AVL9: variants seen among roughly 807,000 people sequenced by gnomAD.
AVL9 encodes late secretory pathway protein AVL9 homolog.
In AVL9, 49 loss-of-function variants were observed where a neutral mutation model predicts 79.2. The observed-to-expected ratio is 0.62, with a 90% CI of 0.49 to 0.79. AVL9 has a LOEUF of 0.79. Ranked by LOEUF, AVL9 falls within the 30% of genes least tolerant of loss-of-function variation. The probability of loss-of-function intolerance (pLI) is 0.00; values close to 1 mark genes in which losing one functional copy is unlikely to be tolerated. For synonymous variants in AVL9, 299 were observed against 280.6 expected (o/e 1.07, Z -0.65); for missense variants, 682 against 776.8 (o/e 0.88, Z 1.45).
chr7:32,517,054 T>G (rs766456266), intron 1 of AVL9, among the ~76,000 whole-genome samples: 1 of 152,186 alleles, frequency 6.6e-6, no homozygotes, highest in Non-Finnish European at 1.5e-5. Flanking sequence ...TTCAACCATT[T>G]CGTTTTTGTT....
At chr7:32,569,521 T>C (rs558336936) in intron 10 of AVL9, among the ~76,000 whole-genome samples, 3 of 152,254 alleles carry the variant, frequency 2.0e-5, no homozygotes, top group Non-Finnish European at 2.9e-5. Flanking sequence ...AACAAATATC[T>C]TGAAATCTTT....
intron 1 of AVL9, among the ~76,000 whole-genome samples, chr7:32,528,709 G>A (rs935171268): frequency 2.0e-5 from 3 of 152,140 alleles, no homozygotes; most frequent in Non-Finnish European, 4.4e-5. Flanking sequence ...AATAGCTGCC[G>A]TTTATTAAAT....
At chr7:32,580,126 C>T in intron 13 of AVL9, 93 bp from the exon 14 acceptor site, 14 of 994,548 alleles carry the variant, frequency 1.4e-5, no homozygotes, top group Non-Finnish European at 2.0e-5. Flanking sequence ...GCTGTGTTGT[C>T]CATGAGAAGT....
At chr7:32,535,351 T>C (rs981713397) in intron 1 of AVL9, 9 of 152,224 alleles carry the variant, frequency 5.9e-5, no homozygotes, top group African/African-American at 2.2e-4. Context: ...CAATCTAAGT[T>C]ATCTGACCTG....
chr7:32,501,860 A>C (rs1191961304), intron 1 of AVL9, among the ~76,000 whole-genome samples: 2 of 152,130 alleles, frequency 1.3e-5, no homozygotes, highest in African/African-American at 4.8e-5. Context: ...GAAGGGCCCT[A>C]ATCTACTAGG....
At chr7:32,542,261 C>T (rs1204201967) in intron 1 of AVL9, among the ~76,000 whole-genome samples, 1 of 150,266 alleles carries the variant, frequency 6.7e-6, no homozygotes, top group Non-Finnish European at 1.5e-5. Context: ...ACGAATTGGC[C>T]GGGCACAGTG....
chr7:32,507,585 T>C (rs1787464118), intron 1 of AVL9, among the ~76,000 whole-genome samples: 1 of 152,228 alleles, frequency 6.6e-6, no homozygotes, highest in Non-Finnish European at 1.5e-5. Flanking sequence ...TCCTGTGGTT[T>C]CATTTCTTCT....
chr7:32,559,328 A>C lies in AVL9; in HGVS notation c.1079A>C (p.Lys360Thr). ...TCAGACCAGACAAATTTGTTTCCAAAGGACTCTGTCCCCTCAGAGAGTCTT... is the reference window on the plus strand; with the variant it reads ...TCAGACCAGACAAATTTGTTTCCAACGGACTCTGTCCCCTCAGAGAGTCTT... ...LGSDQTNLFP[K>T]DSVPSESLPI... is the part of the protein sequence containing the mutation. Residue 360 changes from lysine (K) to threonine (T), a missense_variant, in exon 10 of 16, where the codon AAG (lysine) becomes ACG (threonine). By Grantham distance (78) the Lys-to-Thr change is moderately conservative. Coordinates refer to ENST00000318709, the MANE Select transcript of AVL9 (RefSeq NM_015060.3). The C allele has an allele frequency of 6.2e-7, 1 of 1,614,212 alleles. No individual in the cohort carries two copies. Among genetic ancestry groups the C allele is most frequent in the South Asian group, 1.1e-5 (1 of 91,088 alleles).
intron 1 of AVL9, among the ~76,000 whole-genome samples, chr7:32,519,447 G>T (rs576727086): frequency 6.7e-6 from 1 of 149,030 alleles, no homozygotes; most frequent in South Asian, 2.1e-4. Context: ...AAAAAGAAAA[G>T]AAATGGAAGG....
chr7:32,580,811 G>A lies in AVL9; in HGVS notation c.1752G>A (p.Gln584=), dbSNP rs769535173. The change falls in exon 15 of 16, where the codon CAG becomes CAA. Residue 584 remains glutamine (Q), a synonymous_variant. Transcript: ENST00000318709. ...DMKLRFSHSV[Q]NSERGKKIGN... is the part of the protein sequence containing the mutation. The stretch of plus-strand genomic sequence containing the variant: ...CTTATCTTTTACCCAGTTCTGTTCA[G>A]AATAGTGAACGTGGCAAAAAAATTG... The A allele has an allele frequency of 1.2e-6, 2 of 1,613,156 alleles. No homozygotes were observed. Among genetic ancestry groups the A allele is most frequent in the East Asian group, 2.2e-5 (1 of 44,870 alleles).
chr7:32,507,315 A>C (rs1241077296), intron 1 of AVL9, among the ~76,000 whole-genome samples: 11 of 152,222 alleles, frequency 7.2e-5, no homozygotes, highest in Non-Finnish European at 1.5e-5. Flanking sequence ...CAATATATAG[A>C]TCACACTGAT....
At chr7:32,576,144 T>C in intron 13 of AVL9, 72 bp downstream of exon 13, 1 of 1,022,898 alleles carries the variant, frequency 9.8e-7, no homozygotes, top group Non-Finnish European at 1.5e-6. Flanking sequence ...GAGAAAAATC[T>C]ATTTTAACTT....
At chr7:32,505,918 G>C (rs1282411404) in intron 1 of AVL9, among the ~76,000 whole-genome samples, 2 of 152,080 alleles carry the variant, frequency 1.3e-5, no homozygotes, top group Non-Finnish European at 2.9e-5. Flanking sequence ...TTTCTATTAA[G>C]TAGAGTCATT....
rs553941540 is a variant in AVL9, at chr7:32,584,496, G to A, written c.*589G>A. ...CTGAGGATTGGGTGTTTTGTTTTAC[G>A]TTTTTAGTTTGTTCTTTCCACATCC... On this transcript the variant is annotated 3_prime_UTR_variant, in exon 16 of 16. Transcript: ENST00000318709. The A allele has an allele frequency of 2.2e-4, 34 of 154,766 alleles. No homozygotes were observed. Among genetic ancestry groups the A allele is most frequent in the Non-Finnish European group, 3.6e-4 (25 of 69,776 alleles). The allele number at this position is 154,766 out of a possible 1,614,324, so 9.6% of individuals were successfully genotyped here. A position where few individuals can be genotyped will look rare whatever the true frequency, so the allele number is the denominator to read the frequency against.
intron 3 of AVL9, among the ~76,000 whole-genome samples, chr7:32,546,083 T>TTTTTTATA (rs1554340432): frequency 6.9e-6 from 1 of 144,750 alleles, no homozygotes; most frequent in Non-Finnish European, 1.5e-5. Context: ...TTTTTTTTTT[T>TTTTTTATA]AAATATCTGT....
intron 1 of AVL9, among the ~76,000 whole-genome samples, chr7:32,528,884 C>A (rs1788518176): frequency 6.6e-6 from 1 of 152,056 alleles, no homozygotes; most frequent in South Asian, 2.1e-4. Context: ...GTGGCGGGCG[C>A]CTGTAGTCCC....
chr7:32,515,141 G>C (rs545384864), intron 1 of AVL9, among the ~76,000 whole-genome samples: 3 of 152,158 alleles, frequency 2.0e-5, no homozygotes, highest in Non-Finnish European at 4.4e-5. Flanking sequence ...AAGCAAGCTG[G>C]AGCCTAACCA....
chr7:32,573,200 TAGA>T lies in AVL9; in HGVS notation c.1358_1360del (p.Glu453del). 1.2e-6 allele frequency: 2 copies of T among 1,613,716 alleles called. No homozygotes were observed. Among genetic ancestry groups the T allele is most frequent in the Non-Finnish European group, 1.7e-6 (2 of 1,179,812 alleles). On this transcript the variant is annotated inframe_deletion and splice_region_variant, in exon 12 of 16. Transcript: ENST00000318709. ...GACTTGTACCTGGATACCCTCTAGG[TAGA>T]AGAAGCTCTGATCCAGATCCATGAT...
chr7:32,523,090 A>G (rs1788232403), intron 1 of AVL9, among the ~76,000 whole-genome samples: 1 of 150,278 alleles, frequency 6.7e-6, no homozygotes, highest in Admixed American at 6.7e-5. Flanking sequence ...CAGAAGCCTA[A>G]TCAAATTTGC....
Sources: allele counts gnomAD v4.1 joint callset (sites outside exome capture counted in the v4.1 genomes callset), GRCh38; gene constraint gnomAD v4.1.1; transcripts MANE v1.5; gene names NCBI Gene and HGNC (gene_info 2026-07-23, HGNC 2026-07-21).